The following LARGE1 variants were observed in gnomAD, a reference collection of about 807,000 sequenced individuals.
LARGE1 encodes xylosyl- and glucuronyltransferase LARGE1.
In LARGE1, 43 loss-of-function variants were observed where a neutral mutation model predicts 87.6. That is an observed-to-expected ratio of 0.49 (90% CI 0.38 to 0.63). The LOEUF (loss-of-function observed/expected upper bound fraction) is 0.63. LARGE1 is among the 30% of genes least tolerant of loss of function. The pLI, the probability that LARGE1 is intolerant of heterozygous loss-of-function variation, is 0.00. For synonymous variants in LARGE1, 434 were observed against 394.6 expected, an observed-to-expected ratio of 1.10 and a Z score of -1.18; for missense variants, 802 against 1,000.2, an observed-to-expected ratio of 0.80 and a Z score of 2.67.
chr22:33,490,749 A>T (rs2069802377), intron 6 of LARGE1, among the ~76,000 whole-genome samples: 1 of 151,994 alleles, frequency 6.6e-6, no homozygotes, highest in South Asian at 2.1e-4. Context: ...CATCTCTGAC[A>T]CTCTCCACAT....
chr22:33,615,805 A>G (rs2079565383), intron 4 of LARGE1, among the ~76,000 whole-genome samples: 1 of 152,224 alleles, frequency 6.6e-6, no homozygotes, highest in African/African-American at 2.4e-5. Context: ...ATATAAAGAT[A>G]CTTTACAGCT....
chr22:33,556,650 G>A (rs2077699629), intron 6 of LARGE1, among the ~76,000 whole-genome samples: 1 of 151,472 alleles, frequency 6.6e-6, no homozygotes, highest in East Asian at 1.9e-4. Context: ...CAGGAAGGTA[G>A]GGAGAGGTTA....
intron 11 of LARGE1, among the ~76,000 whole-genome samples, chr22:33,203,945 A>G (rs887315390): frequency 1.3e-5 from 2 of 152,138 alleles, no homozygotes; most frequent in Non-Finnish European, 2.9e-5. Context: ...CTTTTCTCCC[A>G]TGAACCCTGG....
chr22:33,606,310 C>G (rs2079259352), intron 4 of LARGE1, among the ~76,000 whole-genome samples: 1 of 151,808 alleles, frequency 6.6e-6, no homozygotes, highest in Admixed American at 6.6e-5. Flanking sequence ...GAGGCTGAGG[C>G]AGGAAAATTG....
chr22:33,540,898 C>T (rs1257530298), intron 6 of LARGE1, among the ~76,000 whole-genome samples: 1 of 151,604 alleles, frequency 6.6e-6, no homozygotes, highest in East Asian at 1.9e-4. Flanking sequence ...CTTTGAGAGG[C>T]GGAGGTAGGC....
intron 4 of LARGE1, among the ~76,000 whole-genome samples, chr22:33,624,665 C>T (rs1267345150): frequency 6.6e-6 from 1 of 152,192 alleles, no homozygotes; most frequent in Non-Finnish European, 1.5e-5. Context: ...CTATGGAGAT[C>T]AACCTGGTCT....
intron 6 of LARGE1, among the ~76,000 whole-genome samples, chr22:33,529,792 G>A (rs1403598802): frequency 6.6e-6 from 1 of 152,210 alleles, no homozygotes; most frequent in African/African-American, 2.4e-5. Flanking sequence ...CTCTGTCTTT[G>A]CTGGCTGTGT....
At chr22:33,369,069 G>C (rs1029716266) in intron 9 of LARGE1, among the ~76,000 whole-genome samples, 4 of 152,112 alleles carry the variant, frequency 2.6e-5, no homozygotes, top group Non-Finnish European at 4.4e-5. Flanking sequence ...TTCATGAAAA[G>C]TTTCTCTGTA....
At chr22:33,429,668 T>G (rs777008440) in intron 7 of LARGE1, among the ~76,000 whole-genome samples, 1 of 152,194 alleles carries the variant, frequency 6.6e-6, no homozygotes, top group Non-Finnish European at 1.5e-5. Context: ...CTATTATATA[T>G]TTTGGAAGAC....
chr22:33,806,480 T>A (rs1053999731), intron 1 of LARGE1, among the ~76,000 whole-genome samples: 6 of 152,164 alleles, frequency 3.9e-5, no homozygotes, highest in Non-Finnish European at 8.8e-5. Flanking sequence ...ATCACATACA[T>A]CAAGAGGACA....
intron 1 of LARGE1, among the ~76,000 whole-genome samples, chr22:33,871,982 C>CCAA (rs775708103): frequency 2.3e-5 from 2 of 86,814 alleles, no homozygotes; most frequent in African/African-American, 7.9e-5. Context: ...TCTAAATCAG[C>CCAA]AAAAAAAAAA....
intron 1 of LARGE1, among the ~76,000 whole-genome samples, chr22:33,840,455 C>T (rs888630604): frequency 2.6e-5 from 4 of 152,120 alleles, no homozygotes; most frequent in African/African-American, 9.7e-5. Context: ...AGTTTAATCT[C>T]TATTAGCTTG....
At chr22:33,543,100 C>A (rs1023054204) in intron 6 of LARGE1, among the ~76,000 whole-genome samples, 3 of 152,088 alleles carry the variant, frequency 2.0e-5, no homozygotes, top group Non-Finnish European at 2.9e-5. Flanking sequence ...ATTTATCTTT[C>A]GACACATCCC....
intron 11 of LARGE1, among the ~76,000 whole-genome samples, chr22:33,263,717 G>C (rs954971282): frequency 1.3e-5 from 2 of 152,212 alleles, no homozygotes; most frequent in South Asian, 4.1e-4. Flanking sequence ...TAATACATGC[G>C]TGCTGTTTGA....
At chr22:33,803,742 T>C (rs1205268574) in intron 1 of LARGE1, among the ~76,000 whole-genome samples, 1 of 152,204 alleles carries the variant, frequency 6.6e-6, no homozygotes, top group Non-Finnish European at 1.5e-5. Flanking sequence ...TGACCACACG[T>C]GTGAAAACAT....
downstream of LARGE1, among the ~76,000 whole-genome samples, chr22:33,268,329 T>C (rs1056356579): frequency 1.7e-4 from 25 of 151,398 alleles, no homozygotes; most frequent in Non-Finnish European, 4.4e-5. Context: ...CTAAAAAAAC[T>C]ATGAAGGTTC....
intron 6 of LARGE1, among the ~76,000 whole-genome samples, chr22:33,503,167 T>G (rs1569219447): frequency 6.6e-6 from 1 of 152,196 alleles, no homozygotes; most frequent in Non-Finnish European, 1.5e-5. Context: ...ACGTGATTTC[T>G]TTACTCAAAA....
At chr22:33,905,896 G>A (rs2146930980) in intron 1 of LARGE1, among the ~76,000 whole-genome samples, 1 of 152,274 alleles carries the variant, frequency 6.6e-6, no homozygotes, top group African/African-American at 2.4e-5. Context: ...TTGGGAGGCT[G>A]AGGAGGGTGT....
At chr22:33,654,744 T>C (rs901011878) in intron 2 of LARGE1, among the ~76,000 whole-genome samples, 14 of 152,198 alleles carry the variant, frequency 9.2e-5, no homozygotes, top group Non-Finnish European at 1.6e-4. Flanking sequence ...TACATACGAT[T>C]TTATGGCTAT....
Sources: allele counts gnomAD v4.1 joint callset (sites outside exome capture counted in the v4.1 genomes callset), GRCh38; gene constraint gnomAD v4.1.1; transcripts MANE v1.5; gene names NCBI Gene and HGNC (gene_info 2026-07-23, HGNC 2026-07-21).